The following SYTL3 variants were observed in gnomAD, a reference collection of about 807,000 sequenced individuals.
The protein encoded by SYTL3 is synaptotagmin like 3, also known as synaptotagmin-like protein 3.
Under a neutral mutation model 82.1 loss-of-function variants are expected in SYTL3, and 88 were observed. The ratio of observed to expected loss-of-function variants is 1.07; its 90% CI spans 0.90 to 1.28. SYTL3 has a LOEUF of 1.28. SYTL3 is among the 50% of genes most tolerant of loss of function. The probability of loss-of-function intolerance (pLI) is 0.00; values close to 1 mark genes in which losing one functional copy is unlikely to be tolerated. For synonymous variants in SYTL3, 311 were observed against 289.4 expected, an observed-to-expected ratio of 1.07 and a Z score of -0.76; for missense variants, 831 against 757.6, an observed-to-expected ratio of 1.10 and a Z score of -1.14.
At chr6:158,707,388 G>A in intron 7 of SYTL3, 107 bp downstream of exon 7, 2 of 839,976 alleles carry the variant, frequency 2.4e-6, no homozygotes, top group South Asian at 1.8e-5. Context: ...CACTGCTTTG[G>A]AATGTGACTC....
rs542411854 is a variant in SYTL3, at chr6:158,676,324, A to G, written c.330-6601A>G. 7.9e-4 allele frequency among the ~76,000 whole-genome samples: 120 copies of G among 152,240 alleles called. No individual in the cohort carries two copies. The East Asian group carries it at 0.021, about 27-fold the overall frequency. On this transcript the variant is annotated intron_variant, in intron 5 of 17. Coordinates refer to ENST00000611299, the MANE Select transcript of SYTL3 (RefSeq NM_001242394.2). The stretch of plus-strand genomic sequence containing the variant: ...TGGGGAAAGGATTCCCTATTTAATA[A>G]ATGGTGCTGGGAAAACTGGCTAGCC...
intron 8 of SYTL3, among the ~76,000 whole-genome samples, chr6:158,711,845 C>T (rs1203897552): frequency 2.0e-5 from 3 of 152,096 alleles, no homozygotes; most frequent in African/African-American, 4.8e-5. Context: ...GCAGTGAGGA[C>T]GACCAGAGGT....
intron 13 of SYTL3, among the ~76,000 whole-genome samples, chr6:158,753,077 C>CTTTTTTTTT (rs34396644): frequency 1.7e-4 from 17 of 99,112 alleles, no homozygotes; most frequent in African/African-American, 4.0e-4. Context: ...TTCTTCTTTT[C>CTTTTTTTTT]TTTTTTTTTT....
chr6:158,719,364 G>A (rs1040311928), intron 10 of SYTL3, among the ~76,000 whole-genome samples: 5 of 152,190 alleles, frequency 3.3e-5, no homozygotes, highest in African/African-American at 1.2e-4. Flanking sequence ...CTGAGGCAGT[G>A]ATTCCCAGCT....
chr6:158,720,590 G>A (rs1401460978), intron 10 of SYTL3, among the ~76,000 whole-genome samples: 3 of 152,128 alleles, frequency 2.0e-5, no homozygotes, highest in Non-Finnish European at 4.4e-5. Context: ...GAAGGGGCGT[G>A]TGGAAGCATG....
chr6:158,727,809 G>A (rs937257394), intron 11 of SYTL3, among the ~76,000 whole-genome samples: 5 of 149,782 alleles, frequency 3.3e-5, no homozygotes, highest in African/African-American at 1.2e-4. Context: ...TCAGCCTCCC[G>A]AGTAGCTGGG....
chr6:158,672,926 C>A (rs548937205), intron 5 of SYTL3, among the ~76,000 whole-genome samples: 42 of 152,122 alleles, frequency 2.8e-4, no homozygotes, highest in South Asian at 2.1e-3. Context: ...TGAGCCACCT[C>A]ACCTCACCTA....
At chr6:158,673,584 C>T (rs966429408) in intron 5 of SYTL3, among the ~76,000 whole-genome samples, 5 of 150,658 alleles carry the variant, frequency 3.3e-5, no homozygotes, top group African/African-American at 9.8e-5. Context: ...GGACTACAGG[C>T]GCTGGCCACC....
At chr6:158,746,956 C>T (rs1175767979) in intron 12 of SYTL3, among the ~76,000 whole-genome samples, 2 of 152,016 alleles carry the variant, frequency 1.3e-5, no homozygotes. Context: ...TTTTGAGCCA[C>T]TTTTTATATA....
At chr6:158,667,043 C>A (rs1431488486) in intron 5 of SYTL3, among the ~76,000 whole-genome samples, 4 of 152,216 alleles carry the variant, frequency 2.6e-5, no homozygotes, top group Admixed American at 6.5e-5. Flanking sequence ...AATTCCAAAT[C>A]ATCTCTAGAA....
At chr6:158,695,562 A>G (rs562011516) in intron 6 of SYTL3, among the ~76,000 whole-genome samples, 45 of 152,326 alleles carry the variant, frequency 3.0e-4, no homozygotes, top group Non-Finnish European at 3.5e-4. Context: ...AAAATTTGCC[A>G]TTTTAGCCAC....
intron 11 of SYTL3, among the ~76,000 whole-genome samples, chr6:158,729,712 G>A (rs567847609): frequency 9.9e-5 from 15 of 151,344 alleles, no homozygotes; most frequent in Non-Finnish European, 1.8e-4. Flanking sequence ...GACTACAGGC[G>A]CCCGCCACCA....
chr6:158,728,851 G>A (rs1785054129), intron 11 of SYTL3, among the ~76,000 whole-genome samples: 3 of 151,880 alleles, frequency 2.0e-5, no homozygotes, highest in African/African-American at 4.8e-5. Context: ...GTGAAACCTC[G>A]TCTCTATTAA....
intron 5 of SYTL3, among the ~76,000 whole-genome samples, chr6:158,680,594 A>AAAAC (rs398038506): frequency 4.3e-4 from 64 of 150,180 alleles, no homozygotes; most frequent in African/African-American, 1.3e-3. Flanking sequence ...AAAAAAAAAA[A>AAAAC]CACAAAAATC....
At position 158,728,688 on chromosome 6, in the gene SYTL3, C is replaced by A. The variant is rs1785030194; in HGVS notation, c.855+3051C>A. On this transcript the variant is annotated intron_variant, in intron 11 of 17. Coordinates refer to ENST00000611299, the MANE Select transcript of SYTL3 (RefSeq NM_001242394.2). ...GGGCGCGGTGGCTCATGCCTGTAAT[C>A]CCAGCACTTTGGGAGGCCAAGGCGG... Among the ~76,000 whole-genome samples, 3 of 150,526 alleles carry A rather than the reference C, an allele frequency of 2.0e-5. No homozygotes were observed. The South Asian group carries it at 6.3e-4, about 32-fold the overall frequency.
At chr6:158,756,104 T>TA (rs1789021067) in intron 13 of SYTL3, among the ~76,000 whole-genome samples, 1 of 152,280 alleles carries the variant, frequency 6.6e-6, no homozygotes, top group African/African-American at 2.4e-5. Flanking sequence ...ATCCAACTAA[T>TA]AAGCTTAAAG....
chr6:158,763,259 G>C (rs1277298509), intron 16 of SYTL3, 45 bp from the exon 17 acceptor site: 1 of 1,589,342 alleles, frequency 6.3e-7, no homozygotes, highest in East Asian at 2.2e-5. Flanking sequence ...AGGAGAGAAG[G>C]CCGTGTGGAT....
At chr6:158,741,501 G>T (rs1786920367) in intron 11 of SYTL3, among the ~76,000 whole-genome samples, 1 of 152,188 alleles carries the variant, frequency 6.6e-6, no homozygotes, top group Non-Finnish European at 1.5e-5. Context: ...AATTTGTTGA[G>T]CATACTTCTC....
At chr6:158,665,215 T>G (rs1789884386) in intron 4 of SYTL3, among the ~76,000 whole-genome samples, 180 bp from the exon 5 acceptor site, 1 of 152,108 alleles carries the variant, frequency 6.6e-6, no homozygotes, top group Non-Finnish European at 1.5e-5. Flanking sequence ...AAAAAACCCT[T>G]GAGACTCGAC....
Sources: gnomAD v4.1 joint callset for allele counts (sites outside exome capture counted in the v4.1 genomes callset) on GRCh38, gnomAD v4.1.1 for gene constraint, MANE v1.5 for transcripts, NCBI Gene and HGNC (gene_info 2026-07-23, HGNC 2026-07-21) for gene names.